Variants in ILRUN observed in about 807,000 individuals in gnomAD.
ILRUN encodes the protein inflammation and lipid regulator with UBA-like and NBR1-like domains.
A neutral mutation model predicts 33.8 loss-of-function variants in ILRUN; 3 were observed. The ratio of observed to expected loss-of-function variants is 0.09; its 90% confidence interval spans 0.04 to 0.23. The LOEUF (loss-of-function observed/expected upper bound fraction) is 0.23, where lower values mean the gene tolerates loss of function less well. Among genes scored for constraint, ILRUN ranks in the 10% least tolerant of loss-of-function variants. The pLI is 1.00. For synonymous variants in ILRUN, 124 were observed against 138.9 expected, an observed-to-expected ratio of 0.89 and a Z score of 0.75; for missense variants, 210 against 375.1, an observed-to-expected ratio of 0.56 and a Z score of 3.64.
chr6:34,635,947 G>C (rs1049908108), intron 3 of ILRUN, among the ~76,000 whole-genome samples: 1 of 152,072 alleles, frequency 6.6e-6, no homozygotes, highest in Non-Finnish European at 1.5e-5. Context: ...GAAACTGGAA[G>C]GGCATTAGTT....
At chr6:34,695,092 C>G (rs770208304) in intron 1 of ILRUN, among the ~76,000 whole-genome samples, 589 of 151,332 alleles carry the variant, frequency 3.9e-3, no homozygotes, top group Non-Finnish European at 6.7e-3. Context: ...ACCTTTGGTG[C>G]AGCCACGGCT....
intron 3 of ILRUN, among the ~76,000 whole-genome samples, chr6:34,645,361 AGGTTGGTT>A (rs1303087744): frequency 6.6e-6 from 1 of 151,970 alleles, no homozygotes; most frequent in African/African-American, 2.4e-5. Context: ...GAAGGATATA[AGGTTGGTT>A]TTTTTGTTTT....
intron 3 of ILRUN, among the ~76,000 whole-genome samples, chr6:34,638,618 T>C (rs564634130): frequency 2.0e-5 from 3 of 151,956 alleles, no homozygotes; most frequent in Non-Finnish European, 4.4e-5. Context: ...GTTGGGAGGA[T>C]TGCTTGAGCC....
At chr6:34,628,284 G>A (rs1411515849) in intron 3 of ILRUN, among the ~76,000 whole-genome samples, 1 of 151,890 alleles carries the variant, frequency 6.6e-6, no homozygotes, top group African/African-American at 2.4e-5. Context: ...GCCAGCTAAA[G>A]TGTTGAGATT....
chr6:34,611,056 CCCCTCT>C (rs1482408476), intron 3 of ILRUN, among the ~76,000 whole-genome samples: 1 of 143,294 alleles, frequency 7.0e-6, no homozygotes, highest in African/African-American at 2.7e-5. Context: ...CCTCCCCCTC[CCCCTCT>C]CCTTCCCTCT....
At chr6:34,686,588 C>T (rs1763523885) in intron 1 of ILRUN, 2 of 210,148 alleles carry the variant, frequency 9.5e-6, no homozygotes, top group South Asian at 8.7e-5. Flanking sequence ...GCTGACAGTG[C>T]TCCAGCAAAC....
intron 3 of ILRUN, among the ~76,000 whole-genome samples, chr6:34,621,616 T>C (rs1485956732): frequency 6.6e-6 from 1 of 152,106 alleles, no homozygotes; most frequent in Non-Finnish European, 1.5e-5. Flanking sequence ...CCCAGCACTT[T>C]GGGTGGCCGA....
intron 1 of ILRUN, among the ~76,000 whole-genome samples, chr6:34,656,529 C>T (rs1671129016): frequency 6.6e-6 from 1 of 152,192 alleles, no homozygotes; most frequent in African/African-American, 2.4e-5. Context: ...AAACCAGTGA[C>T]ATCATCTCCA....
chr6:34,662,829 C>T (rs1762916855), intron 1 of ILRUN, among the ~76,000 whole-genome samples: 1 of 152,238 alleles, frequency 6.6e-6, no homozygotes, highest in African/African-American at 2.4e-5. Context: ...GTAATCCCAG[C>T]ACTTTGGGAG....
intron 2 of ILRUN, among the ~76,000 whole-genome samples, chr6:34,650,407 T>TTTTATTTATTTA (rs56072656): frequency 8.2e-4 from 116 of 141,496 alleles, no homozygotes; most frequent in East Asian, 2.2e-3. Flanking sequence ...ATTTATTTAT[T>TTTTATTTATTTA]TTTATTTATT....
At chr6:34,690,100 CTT>C (rs1488620054) in intron 1 of ILRUN, among the ~76,000 whole-genome samples, 3 of 152,150 alleles carry the variant, frequency 2.0e-5, no homozygotes, top group Admixed American at 1.3e-4. Flanking sequence ...TTATTTGACT[CTT>C]GTTACTAATG....
chr6:34,661,536 T>G (rs1265017639), intron 1 of ILRUN, among the ~76,000 whole-genome samples: 1 of 152,168 alleles, frequency 6.6e-6, no homozygotes, highest in Non-Finnish European at 1.5e-5. Flanking sequence ...TTGAGAGCTC[T>G]GGACAGTCAT....
intron 1 of ILRUN, among the ~76,000 whole-genome samples, chr6:34,689,073 A>C (rs1012756108): frequency 6.6e-6 from 1 of 152,238 alleles, no homozygotes; most frequent in African/African-American, 2.4e-5. Flanking sequence ...TAATGGGTGT[A>C]AAGTTTCATT....
chr6:34,647,591 A>G (rs915528744), intron 2 of ILRUN, among the ~76,000 whole-genome samples: 2 of 151,988 alleles, frequency 1.3e-5, no homozygotes, highest in Non-Finnish European at 2.9e-5. Context: ...GTAACTCTTT[A>G]AAGAGTCGCC....
At chr6:34,617,885 A>C (rs1363514199) in intron 3 of ILRUN, among the ~76,000 whole-genome samples, 1 of 152,242 alleles carries the variant, frequency 6.6e-6, no homozygotes, top group East Asian at 1.9e-4. Context: ...AATGGGCACA[A>C]GTTCACGCAG....
intron 1 of ILRUN, among the ~76,000 whole-genome samples, chr6:34,679,765 G>A (rs973143743): frequency 1.3e-5 from 2 of 152,174 alleles, no homozygotes; most frequent in African/African-American, 4.8e-5. Flanking sequence ...ATTAGGGTGG[G>A]CCTTAAATCC....
intron 4 of ILRUN, among the ~76,000 whole-genome samples, chr6:34,597,690 C>T (rs1307316726): frequency 1.3e-5 from 2 of 152,172 alleles, no homozygotes; most frequent in East Asian, 1.9e-4. Flanking sequence ...TCTTGCCACT[C>T]CCCTACTCAA....
chr6:34,654,334 T>A (rs973155652), intron 2 of ILRUN, among the ~76,000 whole-genome samples: 2 of 152,192 alleles, frequency 1.3e-5, no homozygotes, highest in African/African-American at 4.8e-5. Flanking sequence ...CAATACCCCA[T>A]CATATAGAAG....
At chr6:34,622,716 T>C (rs1762035481) in intron 3 of ILRUN, among the ~76,000 whole-genome samples, 1 of 152,020 alleles carries the variant, frequency 6.6e-6, no homozygotes, top group Non-Finnish European at 1.5e-5. Context: ...GAATATAGAA[T>C]TGACAAATGA....
Sources: gnomAD v4.1 joint callset for allele counts (sites outside exome capture counted in the v4.1 genomes callset) on GRCh38, gnomAD v4.1.1 for gene constraint, MANE v1.5 for transcripts, NCBI Gene and HGNC (gene_info 2026-07-23, HGNC 2026-07-21) for gene names.